Variants in FBXO15 observed in about 807,000 individuals in gnomAD.
FBXO15 encodes F-box protein 15, also known as F-box only protein 15.
A neutral mutation model predicts 49.5 loss-of-function variants in FBXO15; 30 were observed. The observed-to-expected ratio is 0.61, with a 90% CI of 0.45 to 0.82. The LOEUF (loss-of-function observed/expected upper bound fraction) is 0.82. Ranked by LOEUF, FBXO15 falls within the 40% of genes least tolerant of loss-of-function variation. The probability of loss-of-function intolerance (pLI) is 0.00; values close to 1 mark genes in which losing one functional copy is unlikely to be tolerated. For synonymous variants in FBXO15, 250 were observed against 232.7 expected, an observed-to-expected ratio of 1.07 and a Z score of -0.68; for missense variants, 591 against 631.5, an observed-to-expected ratio of 0.94 and a Z score of 0.69.
intron 6 of FBXO15, 146 bp from the exon 7 acceptor site, chr18:74,124,717 T>G: frequency 6.0e-6 from 4 of 664,782 alleles, no homozygotes; most frequent in Non-Finnish European, 2.7e-6. Flanking sequence ...AATGCATTAT[T>G]ACTGCTAATA....
At position 74,140,289 on chromosome 18, in the gene FBXO15, G is replaced by C; in HGVS notation, c.140C>G (p.Ser47Cys). Residue 47 changes from serine (S) to cysteine (C), a missense_variant, in exon 2 of 10, where the codon TCT (serine) becomes TGT (cysteine). Physicochemically the swap from Ser to Cys is moderately radical, Grantham distance 112. Coordinates refer to ENST00000419743, the MANE Select transcript of FBXO15 (RefSeq NM_001142958.2). The part of the protein sequence containing the change: ...GCRKGPGVKL[S>C]AGSAALRCHA... ...GCACCTCAGGGCAGCAGAGCCTGCA[G>C]AAAGCTTGACCCCTGGCCCCTTTCT... 1 of 1,551,340 alleles carries C rather than the reference G, an allele frequency of 6.4e-7. No individual in the cohort carries two copies. Among genetic ancestry groups the C allele is most frequent in the Non-Finnish European group, 8.7e-7 (1 of 1,146,886 alleles).
Position 74,129,554 on chromosome 18 carries a change from C to T in FBXO15, c.636G>A (p.Met212Ile), listed in dbSNP as rs769948142. Residue 212 changes from methionine to isoleucine, a missense_variant, in exon 5 of 10, where the codon ATG (methionine) becomes ATA (isoleucine). By Grantham distance (10) the Met-to-Ile change is conservative (BLOSUM62 1). Coordinates refer to ENST00000419743, the MANE Select transcript of FBXO15 (RefSeq NM_001142958.2). ...CATTTATGGAAAGATCAACATGCTCCATGATATATTCTTTTCCACCTTTTT... is the reference window on the plus strand; with the variant it reads ...CATTTATGGAAAGATCAACATGCTCTATGATATATTCTTTTCCACCTTTTT... ...LKEKGGKEYI[M>I]EHVDLSINDT... 2 of 1,613,204 alleles carry T rather than the reference C, an allele frequency of 1.2e-6. No individual in the cohort carries two copies. The highest frequency in any genetic ancestry group is 1.7e-6 in the Non-Finnish European group (2 of 1,179,888).
chr18:74,140,168 C>G (rs763095150), intron 2 of FBXO15, 34 bp downstream of exon 2: 2 of 1,518,220 alleles, frequency 1.3e-6, no homozygotes, highest in South Asian at 1.2e-5. Flanking sequence ...TGCCTAGAGG[C>G]CCCCAAAAGT....
At chr18:74,124,342 G>T in intron 7 of FBXO15, 147 bp downstream of exon 7, 2 of 634,340 alleles carry the variant, frequency 3.2e-6, no homozygotes, top group Non-Finnish European at 2.7e-6. Context: ...TTATTTTAGC[G>T]ACAGCTAATT....
chr18:74,123,571 T>G, intron 7 of FBXO15, 61 bp from the exon 8 acceptor site: 1 of 1,539,722 alleles, frequency 6.5e-7, no homozygotes, highest in East Asian at 2.3e-5. Flanking sequence ...AATTCTTGGT[T>G]TGAAAATACT....
intron 8 of FBXO15, chr18:74,098,052 C>A (rs529963462): frequency 6.6e-6 from 1 of 152,102 alleles, no homozygotes; most frequent in Admixed American, 6.5e-5. Flanking sequence ...CTCAGGAAAC[C>A]ACATCCCTAG....
At chr18:74,117,064 A>C (rs1914262989) in intron 8 of FBXO15, among the ~76,000 whole-genome samples, 1 of 152,164 alleles carries the variant, frequency 6.6e-6, no homozygotes, top group Admixed American at 6.5e-5. Context: ...AAATTTACTA[A>C]ATATACCACA....
At chr18:74,104,198 T>A (rs1263492457) in intron 8 of FBXO15, among the ~76,000 whole-genome samples, 1 of 152,180 alleles carries the variant, frequency 6.6e-6, no homozygotes, top group Non-Finnish European at 1.5e-5. Context: ...TTTCTTTGTG[T>A]TCTAAGTTTT....
intron 9 of FBXO15, among the ~76,000 whole-genome samples, chr18:74,081,080 T>C (rs1912473798): frequency 6.6e-6 from 1 of 152,202 alleles, no homozygotes. Flanking sequence ...ACTTAAACAT[T>C]TGCTATGAAT....
At chr18:74,111,381 A>G (rs139153306) in intron 8 of FBXO15, among the ~76,000 whole-genome samples, 512 of 152,270 alleles carry the variant, frequency 3.4e-3, no homozygotes, top group African/African-American at 0.012. Flanking sequence ...ACAGAAAGTT[A>G]GCTGGAAAAT....
chr18:74,142,089 C>T (rs1006316026), intron 1 of FBXO15, among the ~76,000 whole-genome samples: 2 of 152,190 alleles, frequency 1.3e-5, no homozygotes, highest in Non-Finnish European at 2.9e-5. Context: ...AATGCTGGCT[C>T]CACATGCCTT....
At chr18:74,108,285 TA>T (rs199654160) in intron 8 of FBXO15, among the ~76,000 whole-genome samples, 9 of 151,780 alleles carry the variant, frequency 5.9e-5, no homozygotes, top group East Asian at 1.9e-4. Context: ...CTGTAAGAGA[TA>T]AAAAAAATTT....
chr18:74,084,416 G>A (rs144232469), intron 8 of FBXO15, among the ~76,000 whole-genome samples: 4 of 152,246 alleles, frequency 2.6e-5, no homozygotes, highest in African/African-American at 9.6e-5. Flanking sequence ...TGCTGGCAGA[G>A]GCAGTGGCAG....
intron 9 of FBXO15, among the ~76,000 whole-genome samples, chr18:74,081,304 T>C (rs1003874866): frequency 1.3e-5 from 2 of 152,144 alleles, no homozygotes; most frequent in African/African-American, 4.8e-5. Flanking sequence ...ATCTTGTTCA[T>C]CCCATAAAAT....
chr18:74,108,808 G>A (rs1164029573), intron 8 of FBXO15, among the ~76,000 whole-genome samples: 1 of 152,106 alleles, frequency 6.6e-6, no homozygotes, highest in African/African-American at 2.4e-5. Context: ...AAAGAAACCA[G>A]AGGAAAAGAA....
intron 2 of FBXO15, among the ~76,000 whole-genome samples, chr18:74,137,957 C>T (rs1296801087): frequency 1.3e-5 from 2 of 152,104 alleles, no homozygotes; most frequent in African/African-American, 4.8e-5. Flanking sequence ...CCCCCTATTC[C>T]GATGGAGAAT....
At chr18:74,140,104 G>C (rs750007218) in intron 2 of FBXO15, 98 bp downstream of exon 2, 12 of 976,754 alleles carry the variant, frequency 1.2e-5, no homozygotes, top group African/African-American at 1.6e-5. Flanking sequence ...TTCTTAGCAA[G>C]CTCAAAATAG....
chr18:74,113,147 G>C (rs1252428869), intron 8 of FBXO15, among the ~76,000 whole-genome samples: 2 of 152,190 alleles, frequency 1.3e-5, no homozygotes, highest in Non-Finnish European at 1.5e-5. Flanking sequence ...GCCATGAAAA[G>C]ACATGGAGAA....
chr18:74,100,153 C>T (rs1425013033), intron 8 of FBXO15: 1 of 152,034 alleles, frequency 6.6e-6, no homozygotes, highest in Non-Finnish European at 1.5e-5. Flanking sequence ...CCAAGATAGG[C>T]CATATGATAA....
Sources: allele counts gnomAD v4.1 joint callset (sites outside exome capture counted in the v4.1 genomes callset), GRCh38; gene constraint gnomAD v4.1.1; transcripts MANE v1.5; gene names NCBI Gene and HGNC (gene_info 2026-07-23, HGNC 2026-07-21).